The following SNRNP27 variants were observed in gnomAD, a reference collection of about 807,000 sequenced individuals.
SNRNP27 encodes the protein U4/U6.U5 small nuclear ribonucleoprotein 27 kDa protein.
Under a neutral mutation model 25.1 loss-of-function variants are expected in SNRNP27, and 22 were observed. The observed-to-expected ratio is 0.88, with a 90% CI of 0.63 to 1.25. The LOEUF is 1.25. Among genes scored for constraint, SNRNP27 ranks in the 50% most tolerant of loss-of-function variants. The probability of loss-of-function intolerance (pLI) is 0.00; values close to 1 mark genes in which losing one functional copy is unlikely to be tolerated. For synonymous variants in SNRNP27, 66 were observed against 64.9 expected (o/e 1.02, Z -0.08); for missense variants, 150 against 202.3 (o/e 0.74, Z 1.57).
Position 69,904,574 on chromosome 2 carries a change from A to G in SNRNP27, c.*266A>G. 1 of 564,496 alleles carries G rather than the reference A, an allele frequency of 1.8e-6. No individual in the cohort carries two copies. The highest frequency in any genetic ancestry group is 3.1e-6 in the Non-Finnish European group (1 of 325,426). 35.0% of individuals were successfully genotyped at this position (564,496 alleles called of 1,614,324 possible). A position where few individuals can be genotyped will look rare whatever the true frequency, so the allele number is the denominator to read the frequency against. ...TTGTCCTTATTCCTGTGGAAGCAGT[A>G]TATGTTTTCTTCCTGAATGCTCATT... On this transcript the variant is annotated 3_prime_UTR_variant, in exon 6 of 6. Transcript: ENST00000244227.
chr2:69,898,763 A>G (rs192813971), intron 4 of SNRNP27, among the ~76,000 whole-genome samples: 158 of 152,256 alleles, frequency 1.0e-3, no homozygotes, highest in African/African-American at 3.4e-3. Flanking sequence ...TGTTCTTGCA[A>G]TGGTTATGTG....
chr2:69,900,713 C>T lies in SNRNP27; in HGVS notation c.349-2468C>T, dbSNP rs550864584. Among the ~76,000 whole-genome samples the T allele has an allele frequency of 3.9e-5, 6 of 152,226 alleles. No homozygotes were observed. The South Asian group carries it at 6.2e-4, about 16-fold the overall frequency. ...TGGGGGTCACTTGTATGTGTCACGA[C>T]GTTAGCTGATGATACTCATCTAAGT... On this transcript the variant is annotated intron_variant, in intron 4 of 5. Coordinates refer to ENST00000244227, the MANE Select transcript of SNRNP27 (RefSeq NM_006857.3).
At chr2:69,903,782 A>G (rs1292390665) in intron 5 of SNRNP27, among the ~76,000 whole-genome samples, 1 of 152,186 alleles carries the variant, frequency 6.6e-6, no homozygotes, top group African/African-American at 2.4e-5. Flanking sequence ...ATTATGAATC[A>G]TGTGATTGAA....
intron 2 of SNRNP27, 106 bp from the exon 3 acceptor site, chr2:69,896,330 C>A: frequency 1.9e-6 from 2 of 1,067,418 alleles, no homozygotes; most frequent in Non-Finnish European, 2.7e-6. Context: ...CTTTGCTATA[C>A]GGAATGACTC....
In SNRNP27 at chr2:69,897,425, T is replaced by G. The variant is rs1676624368; in HGVS notation, c.317T>G (p.Leu106Ter). 6.2e-7 allele frequency: 1 copy of G among 1,613,522 alleles called. No homozygotes were observed. Among genetic ancestry groups the G allele is most frequent in the Non-Finnish European group, 8.5e-7 (1 of 1,179,724 alleles). Residue 106 changes from leucine to a stop codon, truncating the protein, a stop_gained, in exon 4 of 6, where the codon TTA (leucine) becomes TGA (stop). Transcript: ENST00000244227. LOFTEE classifies it high-confidence loss of function. ...GAGGAAGAAATAGAAATGATGAAGT[T>G]AATGGGATTTGCCTCCTTTGACTCC... ...KTEEEIEMMK[L>*]MGFASFDSTK...
intron 3 of SNRNP27, among the ~76,000 whole-genome samples, chr2:69,896,768 GT>G (rs1280157222): frequency 6.6e-6 from 1 of 150,808 alleles, no homozygotes; most frequent in Non-Finnish European, 1.5e-5. Flanking sequence ...CGCCTCCTGG[GT>G]TTAAGCAATT....
intron 3 of SNRNP27, among the ~76,000 whole-genome samples, chr2:69,896,848 A>AT (rs1676612453): frequency 6.6e-6 from 1 of 151,880 alleles, no homozygotes; most frequent in Non-Finnish European, 1.5e-5. Flanking sequence ...TAATTTTTGT[A>AT]TTTTTAGTAG....
At position 69,903,320 on chromosome 2, in the gene SNRNP27, A is replaced by T. The variant is rs1676741603; in HGVS notation, c.413+75A>T. 12 of 1,047,334 alleles carry T rather than the reference A, an allele frequency of 1.1e-5. No individual in the cohort carries two copies. The South Asian group carries it at 1.3e-4, about 11-fold the overall frequency. 64.9% of individuals were successfully genotyped at this position (1,047,334 alleles called of 1,614,324 possible). Reference sequence around the variant, plus strand: ...CTTCAAACTTTATTATGAGATAATCATGTTTGTAGGAAATGTAGCAGTTTT... The same window carrying T: ...CTTCAAACTTTATTATGAGATAATCTTGTTTGTAGGAAATGTAGCAGTTTT... On this transcript the variant is annotated intron_variant, in intron 5 of 5. Transcript: ENST00000244227.
At chr2:69,901,695 C>T (rs761007897) in intron 4 of SNRNP27, among the ~76,000 whole-genome samples, 7 of 152,214 alleles carry the variant, frequency 4.6e-5, no homozygotes, top group South Asian at 2.1e-4. Context: ...GTGGCATGTG[C>T]CTGTAGTCCC....
rs1158608047 is a variant in SNRNP27, at chr2:69,901,813, G to A, written c.349-1368G>A. On this transcript the variant is annotated intron_variant, in intron 4 of 5. Transcript: ENST00000244227. ...TCCAACCTGGCGACAGTGAGGCCCT[G>A]TGTCTAAAAAATAATAATTTTTAAA... is the stretch of plus-strand genomic sequence containing the variant. Among the ~76,000 whole-genome samples, 5 of 152,302 alleles carry A rather than the reference G, an allele frequency of 3.3e-5. No homozygotes were observed. The South Asian group carries it at 1.0e-3, about 32-fold the overall frequency.
Position 69,904,338 on chromosome 2 carries a change from T to C in SNRNP27, c.*30T>C, listed in dbSNP as rs1558563261. On this transcript the variant is annotated 3_prime_UTR_variant, in exon 6 of 6. Coordinates refer to ENST00000244227, the MANE Select transcript of SNRNP27 (RefSeq NM_006857.3). ...TGAAGTGTTGAAGGATGATTTTTTT[T>C]CCCCTCATCTTGGTCAGAGAGTGGA... 7 of 1,571,392 alleles carry C rather than the reference T, an allele frequency of 4.5e-6. No individual in the cohort carries two copies. Among genetic ancestry groups the C allele is most frequent in the Admixed American group, 1.7e-5 (1 of 59,540 alleles).
rs976800103 is a variant in SNRNP27 at position 69,901,546 on chromosome 2, C to T, written c.349-1635C>T. On this transcript the variant is annotated intron_variant, in intron 4 of 5. Transcript: ENST00000244227. Reference sequence around the variant, plus strand: ...AAGATCAAAATTGGGCTGGGCACAACGGCTCATGCCTGGGATTCCAGCACT... The same window carrying T: ...AAGATCAAAATTGGGCTGGGCACAATGGCTCATGCCTGGGATTCCAGCACT... 5.9e-5 allele frequency among the ~76,000 whole-genome samples: 9 copies of T among 152,146 alleles called. No homozygotes were observed. In the East Asian group the frequency reaches 9.6e-4, roughly 16 times the overall value.
At chr2:69,896,964 G>A (rs1269420250) in intron 3 of SNRNP27, among the ~76,000 whole-genome samples, 2 of 152,016 alleles carry the variant, frequency 1.3e-5, no homozygotes, top group South Asian at 2.1e-4. Context: ...GTGAACCACC[G>A]TGCCCAGCCT....
chr2:69,904,146 T>C, intron 5 of SNRNP27, 108 bp from the exon 6 acceptor site: 1 of 668,078 alleles, frequency 1.5e-6, no homozygotes, highest in Admixed American at 3.1e-5. Flanking sequence ...CCCTAGACTT[T>C]GCTATTATAA....
At chr2:69,902,821 T>TGCTGCC (rs1265289302) in intron 4 of SNRNP27, among the ~76,000 whole-genome samples, 45 of 152,084 alleles carry the variant, frequency 3.0e-4, no homozygotes, top group African/African-American at 1.1e-3. Flanking sequence ...CCCCTTCCGC[T>TGCTGCC]GCTGCCGCTG....
At chr2:69,898,102 G>T (rs1676634442) in intron 4 of SNRNP27, among the ~76,000 whole-genome samples, 1 of 98,974 alleles carries the variant, frequency 1.0e-5, no homozygotes, top group African/African-American at 6.8e-5. Context: ...TCAGGAGCTG[G>T]GGGAAGTGGG....
intron 1 of SNRNP27, among the ~76,000 whole-genome samples, chr2:69,894,260 A>G (rs1206814150): frequency 6.6e-6 from 1 of 152,176 alleles, no homozygotes; most frequent in African/African-American, 2.4e-5. Flanking sequence ...CCTTCATACA[A>G]TAACTTTTAT....
chr2:69,894,938 A>G (rs988152275), intron 1 of SNRNP27, among the ~76,000 whole-genome samples, 156 bp from the exon 2 acceptor site: 2 of 152,192 alleles, frequency 1.3e-5, no homozygotes, highest in Non-Finnish European at 2.9e-5. Context: ...CCAGCCTCAC[A>G]AAGTGCTGGG....
intron 1 of SNRNP27, among the ~76,000 whole-genome samples, chr2:69,894,884 G>C (rs1381069083): frequency 3.3e-5 from 5 of 152,098 alleles, no homozygotes; most frequent in African/African-American, 7.2e-5. Context: ...GTTTCGCCGC[G>C]TTGGCCAGGC....
Sources: allele counts gnomAD v4.1 joint callset (sites outside exome capture counted in the v4.1 genomes callset), GRCh38; gene constraint gnomAD v4.1.1; transcripts MANE v1.5; gene names NCBI Gene and HGNC (gene_info 2026-07-23, HGNC 2026-07-21).